TRO: variants seen among roughly 807,000 people sequenced by gnomAD.
TRO encodes trophinin, also known as MAGE superfamily protein.
In TRO, 29 loss-of-function variants were observed where a neutral mutation model predicts 42.3. That is an observed-to-expected ratio of 0.68 (90% CI 0.51 to 0.93). The LOEUF is 0.93. Ranked by LOEUF, TRO falls within the 40% of genes least tolerant of loss-of-function variation. The pLI, the probability that TRO is intolerant of heterozygous loss-of-function variation, is 0.00. For synonymous variants in TRO, 384 were observed against 425.2 expected, an observed-to-expected ratio of 0.90 and a Z score of 1.19; for missense variants, 963 against 1,127.7, an observed-to-expected ratio of 0.85 and a Z score of 2.09.
intron 9 of TRO, 194 bp downstream of exon 9, chrX:54,926,819 C>T: frequency 1.5e-6 from 1 of 680,788 alleles, no homozygotes; most frequent in South Asian, 2.9e-5. Context: ...CCTTAATGTC[C>T]TCTGTCTGTT....
Position 54,929,131 on chromosome X carries a change from A to G in TRO, c.2407A>G (p.Thr803Ala), listed in dbSNP as rs747920685. 7.4e-6 allele frequency: 9 copies of G among 1,211,279 alleles called. No individual in the cohort carries two copies. The highest frequency in any genetic ancestry group is 8.9e-6 in the Non-Finnish European group (8 of 895,462). Reference protein sequence around the residue: ...ISFGCAHSTSTSFSSEASISF... With the variant: ...ISFGCAHSTSASFSSEASISF... ...CTTTGGTTGTGCACACAGCACCAGC[A>G]CTAGTTTCAGCAGTGAAGCCAGCAT... is the stretch of plus-strand genomic sequence containing the variant. The change falls in exon 12 of 13, where the codon ACT becomes GCT. Residue 803 changes from threonine to alanine, a missense_variant. Physicochemically the swap from Thr to Ala is moderately conservative, Grantham distance 58 (BLOSUM62 0). Around this residue, in one of 2 missense-constraint regions of TRO, gnomAD observed 641 missense variants for 811.3 expected, o/e 0.79. Transcript: ENST00000173898.
intron 3 of TRO, 83 bp downstream of exon 3, chrX:54,923,851 AG>A: frequency 2.0e-6 from 2 of 998,888 alleles, no homozygotes; most frequent in Non-Finnish European, 2.7e-6. Flanking sequence ...CTTCTATAAA[AG>A]TTTTACTTTG....
intron 12 of TRO, 58 bp downstream of exon 12, chrX:54,931,089 T>C: frequency 8.5e-7 from 1 of 1,173,847 alleles, no homozygotes; most frequent in South Asian, 2.0e-5. Context: ...AGCTGGGAGA[T>C]GTTGTAAGAA....
chrX:54,923,749 G>A lies in TRO; in HGVS notation c.1217G>A (p.Arg406Gln). ...QLSLEPTTRT[R>Q]GKRNRKSKHL... ...AGCCTGGAGCCCACAACCAGGACCC[G>A]GGGCAAAAGAAACCGAAAGGTGAGA... The change falls in exon 3 of 13, where the codon CGG becomes CAG. Residue 406 changes from arginine (R) to glutamine (Q), a missense_variant. Physicochemically the swap from Arg to Gln is conservative, Grantham distance 43. Around this residue, in one of 2 missense-constraint regions of TRO, gnomAD observed 322 missense variants for 316.5 expected, o/e 1.02. Transcript: ENST00000173898. 11 of 1,200,490 alleles carry A rather than the reference G, an allele frequency of 9.2e-6. No homozygotes were observed. Among genetic ancestry groups the A allele is most frequent in the South Asian group, 1.8e-5 (1 of 54,174 alleles).
chrX:54,926,944 C>G, intron 9 of TRO, 99 bp from the exon 10 acceptor site: 2 of 968,542 alleles, frequency 2.1e-6, no homozygotes, highest in Non-Finnish European at 2.9e-6. Flanking sequence ...ATTGAGACTG[C>G]CCCATGTGCT....
Position 54,927,117 on chromosome X carries a change from T to C in TRO, c.1763+12T>C, listed in dbSNP as rs1932792357. The C allele has an allele frequency of 8.3e-7, 1 of 1,209,165 alleles. No homozygotes were observed. The highest frequency in any genetic ancestry group is 1.1e-6 in the Non-Finnish European group (1 of 894,709). ...TTTGTGAAGCAGAAGTAAGTGGTGT[T>C]TGGGGCTTTGTCTGGCCCTGAAGTG... On this transcript the variant is annotated intron_variant, in intron 10 of 12. Transcript: ENST00000173898.
intron 3 of TRO, 156 bp downstream of exon 3, chrX:54,923,924 G>C (rs1932447634): frequency 1.7e-6 from 1 of 573,247 alleles, no homozygotes; most frequent in African/African-American, 2.3e-5. Flanking sequence ...TATAGTTTCT[G>C]CTCCCTAGCA....
Position 54,926,643 on chromosome X carries a change from C to T in TRO, c.1700+18C>T. 8.3e-7 allele frequency: 1 copy of T among 1,211,032 alleles called. No individual in the cohort carries two copies. The highest frequency in any genetic ancestry group is 1.1e-6 in the Non-Finnish European group (1 of 895,512). ...CGCCCTGGGTATGACTGGGCTCTCTCAGCGCTTGCTGTCCGTGTTGTCCTT... is the reference window on the plus strand; with the variant it reads ...CGCCCTGGGTATGACTGGGCTCTCTTAGCGCTTGCTGTCCGTGTTGTCCTT... On this transcript the variant is annotated intron_variant, in intron 9 of 12. Transcript: ENST00000173898.
In TRO at chrX:54,923,208, G is replaced by A; in HGVS notation, c.676G>A (p.Ala226Thr). 1 of 1,211,639 alleles carries A rather than the reference G, an allele frequency of 8.3e-7. No homozygotes were observed. Among genetic ancestry groups the A allele is most frequent in the Non-Finnish European group, 1.1e-6 (1 of 895,514 alleles). ...IASATEVSLAATATHTATTQG... is the reference protein window; with the variant it reads ...IASATEVSLATTATHTATTQG... ...TAGTGCCACCGAGGTCTCGCTGGCT[G>A]CAACTGCCACCCATACAGCTACCAC... The change falls in exon 3 of 13, where the codon GCA (alanine) becomes ACA (threonine). Residue 226 changes from alanine (A) to threonine (T), a missense_variant. This residue lies in a region of TRO where 322 missense variants were observed against 316.5 expected (regional missense o/e 1.02). Transcript: ENST00000173898.
Position 54,927,125 on chromosome X carries a change from T to C in TRO, c.1763+20T>C. On this transcript the variant is annotated intron_variant, in intron 10 of 12. Transcript: ENST00000173898. ...GCAGAAGTAAGTGGTGTTTGGGGCT[T>C]TGTCTGGCCCTGAAGTGTTCTGGGT... 8.3e-7 allele frequency: 1 copy of C among 1,209,893 alleles called. No individual in the cohort carries two copies. Among genetic ancestry groups the C allele is most frequent in the Middle Eastern group, 2.3e-4 (1 of 4,340 alleles).
chrX:54,929,555 G>T lies in TRO; in HGVS notation c.2831G>T (p.Ser944Ile), dbSNP rs200016772. The change falls in exon 12 of 13, where the codon AGC (serine) becomes ATC (isoleucine). Residue 944 changes from serine to isoleucine, a missense_variant. Transcript: ENST00000173898. ...STSVSFGGSS[S>I]TSANFGGTLS... is the part of the protein sequence containing the mutation. ...AGTGTCTCCTTTGGTGGCTCTTCCA[G>T]CACCAGTGCCAATTTTGGTGGTACA... The T allele has an allele frequency of 1.6e-6, 2 of 1,212,178 alleles. No individual in the cohort carries two copies. The highest frequency in any genetic ancestry group is 2.2e-6 in the Non-Finnish European group (2 of 895,575).
chrX:54,923,439 A>G lies in TRO; in HGVS notation c.907A>G (p.Lys303Glu). The G allele has an allele frequency of 8.4e-7, 1 of 1,193,675 alleles. No individual in the cohort carries two copies. The highest frequency in any genetic ancestry group is 1.8e-5 in the South Asian group (1 of 54,448). The change falls in exon 3 of 13, where the codon AAG becomes GAG. Residue 303 changes from lysine to glutamate, a missense_variant. Around this residue, in one of 2 missense-constraint regions of TRO, gnomAD observed 322 missense variants for 316.5 expected, o/e 1.02. Transcript: ENST00000173898. ...VAIRPKKSKG[K>E]KAASRGPNSV... is the part of the protein sequence containing the mutation. ...TATCAGGCCCAAAAAATCCAAGGGCAAGAAGGCTGCCAGCAGGGGCCCAAA... is the reference window on the plus strand; with the variant it reads ...TATCAGGCCCAAAAAATCCAAGGGCGAGAAGGCTGCCAGCAGGGGCCCAAA...
rs1297596774 is a variant in TRO, at chrX:54,927,656, C to A, written c.1764-11C>A. The A allele has an allele frequency of 8.4e-7, 1 of 1,195,570 alleles. No individual in the cohort carries two copies. Among genetic ancestry groups the A allele is most frequent in the Non-Finnish European group, 1.1e-6 (1 of 884,645 alleles). The stretch of plus-strand genomic sequence containing the variant: ...CTTGGTTAGAAACAAGTTTCATTTC[C>A]TTTTTCCAAGGTACCTGGAGTACAA... On this transcript the variant is annotated splice_polypyrimidine_tract_variant and intron_variant, in intron 10 of 12. Transcript: ENST00000173898.
chrX:54,928,627 T>C lies in TRO; in HGVS notation c.1903T>C (p.Trp635Arg), dbSNP rs1401475876. 8.7e-7 allele frequency: 1 copy of C among 1,156,020 alleles called. No homozygotes were observed. The highest frequency in any genetic ancestry group is 1.1e-6 in the Non-Finnish European group (1 of 870,466). The change falls in exon 12 of 13, where the codon TGG becomes CGG. Residue 635 changes from tryptophan to arginine, a missense_variant. Around this residue, in one of 2 missense-constraint regions of TRO, gnomAD observed 641 missense variants for 811.3 expected, o/e 0.79. Transcript: ENST00000173898. ...GGTGCAGAAGAAAGACCCCAAGGAC[T>C]GGGCTGTGCAGTACCGCGAGGCAGT... The part of the protein sequence containing the change: ...CRVQKKDPKD[W>R]AVQYREAVEM...
Position 54,925,054 on chromosome X carries a change from T to C in TRO, c.1471T>C (p.Tyr491His). Residue 491 changes from tyrosine to histidine, a missense_variant, in exon 6 of 13, where the codon TAC becomes CAC. This residue lies in a region of TRO where 641 missense variants were observed against 811.3 expected (regional missense o/e 0.79). Transcript: ENST00000173898. ...CCCAGAAATCATTGAACGAGCAAGC[T>C]ACACTCTGGAGAAGGTGAAGGGGCA... ...YFPEIIERAS[Y>H]TLEKMFRVNL... is the part of the protein sequence containing the mutation. The C allele has an allele frequency of 8.3e-7, 1 of 1,211,169 alleles. No individual in the cohort carries two copies. Among genetic ancestry groups the C allele is most frequent in the Non-Finnish European group, 1.1e-6 (1 of 895,035 alleles).
At position 54,922,661 on chromosome X, in the gene TRO, G is replaced by A. The variant is rs1168384165; in HGVS notation, c.129G>A (p.Leu43=). Residue 43 remains leucine (L), a synonymous_variant, in exon 3 of 13, where the codon CTG becomes CTA. Transcript: ENST00000173898. Reference sequence around the variant, plus strand: ...AGACCACAGAAGAGGACAGTGTCCTGCTGATGCATACCCTGTTGGCGGCAA... The same window carrying A: ...AGACCACAGAAGAGGACAGTGTCCTACTGATGCATACCCTGTTGGCGGCAA... The part of the protein sequence containing the change: ...QTETTEEDSV[L]LMHTLLAATK... The A allele has an allele frequency of 2.5e-6, 3 of 1,209,427 alleles. No homozygotes were observed. Among genetic ancestry groups the A allele is most frequent in the Non-Finnish European group, 3.4e-6 (3 of 895,047 alleles).
In TRO at chrX:54,929,846, G is replaced by A. The variant is rs1261277691; in HGVS notation, c.3122G>A (p.Gly1041Asp). ...GAVSTNTDFG[G>D]TLSTSVCFGG... ...GTCAGCACCAACACTGACTTTGGTG[G>A]TACACTAAGCACCAGCGTCTGTTTT... The change falls in exon 12 of 13, where the codon GGT (glycine) becomes GAT (aspartate). Residue 1041 changes from glycine (G) to aspartate (D), a missense_variant. Physicochemically the swap from Gly to Asp is moderately conservative, Grantham distance 94. Transcript: ENST00000173898. 1 of 1,210,286 alleles carries A rather than the reference G, an allele frequency of 8.3e-7. No individual in the cohort carries two copies. Among genetic ancestry groups the A allele is most frequent in the East Asian group, 3.0e-5 (1 of 33,790 alleles).
rs753178240 is a variant in TRO, at chrX:54,929,043, C to T, written c.2319C>T (p.Ala773=). The T allele has an allele frequency of 3.3e-6, 4 of 1,212,297 alleles. No homozygotes were observed. The highest frequency in any genetic ancestry group is 3.5e-5 in the South Asian group (2 of 57,038). ...PSTSASFSNT[A]SISFGGTLST... Reference sequence around the variant, plus strand: ...CCAGTGCCAGCTTCAGCAATACAGCCAGCATTAGCTTTGGTGGTACACTGA... The same window carrying T: ...CCAGTGCCAGCTTCAGCAATACAGCTAGCATTAGCTTTGGTGGTACACTGA... Residue 773 remains alanine (A), a synonymous_variant, in exon 12 of 13, where the codon GCC becomes GCT. Transcript: ENST00000173898.
At position 54,929,941 on chromosome X, in the gene TRO, G is replaced by A. The variant is rs757678937; in HGVS notation, c.3217G>A (p.Val1073Ile). ...CACCAATGCCAGCTTTGGCTGTGCC[G>A]TCAGCACCAGTGCCAGCTTCAGTGG... ...LNTNASFGCA[V>I]STSASFSGAV... is the part of the protein sequence containing the mutation. Residue 1073 changes from valine to isoleucine, a missense_variant, in exon 12 of 13, where the codon GTC (valine) becomes ATC (isoleucine). Physicochemically the swap from Val to Ile is conservative, Grantham distance 29. Transcript: ENST00000173898. 3 of 1,204,841 alleles carry A rather than the reference G, an allele frequency of 2.5e-6. No individual in the cohort carries two copies. The highest frequency in any genetic ancestry group is 2.2e-5 in the Admixed American group (1 of 45,432).
Sources: allele counts gnomAD v4.1 joint callset, GRCh38; gene constraint gnomAD v4.1.1; regional missense constraint gnomAD v4.1.1; transcripts MANE v1.5; gene names NCBI Gene and HGNC (gene_info 2026-07-23, HGNC 2026-07-21).